The following ZSCAN5A variants were observed in gnomAD, a reference collection of about 807,000 sequenced individuals.
The protein encoded by ZSCAN5A is zinc finger and SCAN domain containing 5A, also known as zinc finger and SCAN domain-containing protein 5A.
ZSCAN5A carries 12 observed loss-of-function variants against 23.7 expected under a neutral mutation model. The ratio of observed to expected loss-of-function variants is 0.51; its 90% confidence interval spans 0.32 to 0.82. The LOEUF is 0.82. ZSCAN5A is among the 40% of genes least tolerant of loss of function. The pLI is 0.03. For missense variants in ZSCAN5A, 597 were observed against 617.9 expected (o/e 0.97, Z 0.36); for synonymous variants, 257 against 239.9 (o/e 1.07, Z -0.66).
chr19:56,222,841 G>A, intron 4 of ZSCAN5A, 100 bp from the exon 5 acceptor site: 4 of 1,538,476 alleles, frequency 2.6e-6, no homozygotes, highest in Non-Finnish European at 3.6e-6. Flanking sequence ...CTCTTCTAAT[G>A]ACACAGGTGT....
chr19:56,324,520 C>G (rs2041414643), intron 2 of ZSCAN5A, among the ~76,000 whole-genome samples: 1 of 151,906 alleles, frequency 6.6e-6, no homozygotes, highest in Admixed American at 6.6e-5. Context: ...AAGGGGAACC[C>G]TCGTACAATG....
intron 2 of ZSCAN5A, among the ~76,000 whole-genome samples, chr19:56,326,949 A>G (rs376028543): frequency 5.9e-5 from 9 of 152,076 alleles, no homozygotes; most frequent in East Asian, 5.8e-4. Flanking sequence ...TCCAGCAAAC[A>G]TTCACTCAGT....
chr19:56,223,516 G>A, intron 4 of ZSCAN5A, 115 bp downstream of exon 4: 1 of 1,072,692 alleles, frequency 9.3e-7, no homozygotes, highest in Non-Finnish European at 1.3e-6. Context: ...CATGTCCATG[G>A]GGAATGGCTC....
intron 2 of ZSCAN5A, among the ~76,000 whole-genome samples, chr19:56,247,979 C>A (rs147106429): frequency 1.3e-5 from 2 of 152,134 alleles, no homozygotes; most frequent in Non-Finnish European, 2.9e-5. Context: ...CGTGAGCCAC[C>A]GCACCTGGCC....
intron 2 of ZSCAN5A, among the ~76,000 whole-genome samples, chr19:56,236,745 G>A (rs113616756): frequency 0.049 from 6,482 of 133,454 alleles, 365 homozygotes; most frequent in African/African-American, 0.15. Flanking sequence ...CTGATTGACC[G>A]TGGGCCAAGC....
chr19:56,329,476 A>C (rs2147435057), intron 2 of ZSCAN5A, among the ~76,000 whole-genome samples: 1 of 152,222 alleles, frequency 6.6e-6, no homozygotes, highest in Non-Finnish European at 1.5e-5. Context: ...TTATAGTATT[A>C]AGTATATCAG....
chr19:56,349,683 C>T (rs1285360080), intron 2 of ZSCAN5A, among the ~76,000 whole-genome samples: 113 of 111,436 alleles, frequency 1.0e-3, no homozygotes, highest in African/African-American at 1.4e-3. Context: ...CCAGCCTGGG[C>T]GACAGAACAA....
chr19:56,304,695 C>T (rs976012570), intron 2 of ZSCAN5A: 7 of 683,250 alleles, frequency 1.0e-5, no homozygotes, highest in East Asian at 1.4e-4. Flanking sequence ...GGGAAAGAAG[C>T]GAGAGGGGGA....
At chr19:56,362,518 G>A (rs1027636809) in intron 2 of ZSCAN5A, among the ~76,000 whole-genome samples, 17 of 151,438 alleles carry the variant, frequency 1.1e-4, no homozygotes, top group African/African-American at 3.2e-4. Context: ...GCAGTGAGCC[G>A]AGATTGCACA....
chr19:56,306,058 C>T (rs2040665286), intron 2 of ZSCAN5A, among the ~76,000 whole-genome samples: 4 of 152,178 alleles, frequency 2.6e-5, no homozygotes, highest in Middle Eastern at 6.8e-3. Flanking sequence ...AAGATTAGAG[C>T]AAGCATTTTA....
chr19:56,229,787 T>A (rs571515275), intron 2 of ZSCAN5A, among the ~76,000 whole-genome samples: 1 of 152,306 alleles, frequency 6.6e-6, no homozygotes. Flanking sequence ...ATAGTTTTTC[T>A]TGTGGAAATC....
intron 2 of ZSCAN5A, chr19:56,301,908 G>C (rs1039098433): frequency 8.1e-7 from 1 of 1,231,774 alleles, no homozygotes; most frequent in Non-Finnish European, 1.0e-6. Context: ...GCAGTGACAG[G>C]AAGCTCTAAG....
chr19:56,282,284 TA>T (rs1468802790), intron 2 of ZSCAN5A, among the ~76,000 whole-genome samples: 1 of 152,134 alleles, frequency 6.6e-6, no homozygotes, highest in African/African-American at 2.4e-5. Context: ...GACTTCAGGG[TA>T]AATGTGCCTC....
At chr19:56,368,208 CTT>C (rs749741847) in exon 1 of ZSCAN5A, 2 of 152,436 alleles carry the variant, frequency 1.3e-5, no homozygotes, top group African/African-American at 4.8e-5. Context: ...CGCACGCGTA[CTT>C]TGTGTCCCAG....
At chr19:56,245,451 G>A in intron 2 of ZSCAN5A, 1 of 612,144 alleles carries the variant, frequency 1.6e-6, no homozygotes. Flanking sequence ...CCTGGTGTCT[G>A]GGCAGAGGTG....
rs150082705 is a variant in ZSCAN5A at position 56,343,579 on chromosome 19, A to G, written c.-358+19656T>C. On this transcript the variant is annotated intron_variant, in intron 2 of 6. Coordinates refer to the ZSCAN5A transcript ENST00000587340. ...TGAGAGAGGTACTATTATCATTTCA[A>G]TTATAGAGATGAGGAAATGGATGTT... 2.2e-3 allele frequency among the ~76,000 whole-genome samples: 341 copies of G among 152,310 alleles called. 2 individuals carry two copies. Among genetic ancestry groups the G allele is most frequent in the African/African-American group, 7.7e-3 (320 of 41,564 alleles).
chr19:56,302,856 A>C (rs2040438504), intron 2 of ZSCAN5A: 1 of 398,474 alleles, frequency 2.5e-6, no homozygotes, highest in Non-Finnish European at 4.4e-6. Context: ...GTTCATAAGG[A>C]CCAAGCCTGT....
At chr19:56,256,397 T>G (rs1353000872) in intron 2 of ZSCAN5A, among the ~76,000 whole-genome samples, 1 of 152,174 alleles carries the variant, frequency 6.6e-6, no homozygotes, top group African/African-American at 2.4e-5. Context: ...TTCTGTCATG[T>G]TGCCCAGGTT....
chr19:56,287,510 C>T (rs1295191465), intron 2 of ZSCAN5A, among the ~76,000 whole-genome samples: 1 of 152,194 alleles, frequency 6.6e-6, no homozygotes, highest in African/African-American at 2.4e-5. Context: ...TCCACCTAAC[C>T]CATAAATATC....
Sources: gnomAD v4.1 joint callset for allele counts (sites outside exome capture counted in the v4.1 genomes callset) on GRCh38, gnomAD v4.1.1 for gene constraint, MANE v1.5 for transcripts, NCBI Gene and HGNC (gene_info 2026-07-23, HGNC 2026-07-21) for gene names.